SGCZ: variants seen among roughly 807,000 people sequenced by gnomAD.
SGCZ encodes zeta-sarcoglycan.
SGCZ carries 40 observed loss-of-function variants against 41.3 expected under a neutral mutation model. That is an observed-to-expected ratio of 0.97 (90% confidence interval 0.75 to 1.26). SGCZ has a LOEUF of 1.26. SGCZ is among the 50% of genes most tolerant of loss of function. The pLI is 0.00. For synonymous variants in SGCZ, 206 were observed against 137.5 expected (o/e 1.50, Z -3.49); for missense variants, 552 against 369.8 (o/e 1.49, Z -4.04).
intron 1 of SGCZ, among the ~76,000 whole-genome samples, chr8:14,576,160 T>A (rs1585093944): frequency 6.6e-6 from 1 of 152,308 alleles, no homozygotes; most frequent in East Asian, 1.9e-4. Flanking sequence ...GTGCTTTAGG[T>A]ACCTGCCTTA....
chr8:14,191,881 CTCAACCT>C (rs1805114537), intron 4 of SGCZ, among the ~76,000 whole-genome samples: 2 of 151,912 alleles, frequency 1.3e-5, no homozygotes, highest in Non-Finnish European at 2.9e-5. Flanking sequence ...TGTAGGATTC[CTCAACCT>C]AGTCATAATA....
At chr8:14,522,660 T>TA (rs1362669520) in intron 2 of SGCZ, among the ~76,000 whole-genome samples, 18 of 151,480 alleles carry the variant, frequency 1.2e-4, no homozygotes, top group Non-Finnish European at 1.8e-4. Flanking sequence ...TCATTTTTTT[T>TA]AAAAAATACA....
At chr8:14,438,109 GAAT>G (rs142805690) in intron 2 of SGCZ, among the ~76,000 whole-genome samples, 14,447 of 151,880 alleles carry the variant, frequency 0.095, 812 homozygotes, top group Non-Finnish European at 0.14. Flanking sequence ...AGCCAACGCT[GAAT>G]AATATTACCA....
chr8:15,199,547 G>C (rs910834751), intron 1 of SGCZ, among the ~76,000 whole-genome samples: 2 of 152,124 alleles, frequency 1.3e-5, no homozygotes, highest in Non-Finnish European at 2.9e-5. Context: ...AGCCAGGAGG[G>C]AAAGCATGAA....
intron 1 of SGCZ, among the ~76,000 whole-genome samples, chr8:14,875,184 C>T (rs138772586): frequency 1.3e-3 from 197 of 152,206 alleles, no homozygotes; most frequent in Non-Finnish European, 2.5e-3. Flanking sequence ...AAAATGATAC[C>T]GTGTTGCTAC....
intron 1 of SGCZ, among the ~76,000 whole-genome samples, chr8:14,995,294 G>A (rs546324757): frequency 5.0e-4 from 76 of 152,360 alleles, no homozygotes; most frequent in African/African-American, 1.8e-3. Context: ...ATAAATGAAT[G>A]AAGAAGTGTG....
At chr8:14,664,739 A>G (rs1585165069) in intron 1 of SGCZ, among the ~76,000 whole-genome samples, 1 of 152,208 alleles carries the variant, frequency 6.6e-6, no homozygotes, top group African/African-American at 2.4e-5. Context: ...AAAATCTAAT[A>G]TCAGCTGTTG....
chr8:14,385,359 A>G (rs533675701), intron 2 of SGCZ, among the ~76,000 whole-genome samples: 12 of 152,320 alleles, frequency 7.9e-5, no homozygotes, highest in African/African-American at 2.9e-4. Context: ...TAAATAAAAT[A>G]AAACACTCTA....
intron 6 of SGCZ, among the ~76,000 whole-genome samples, chr8:14,106,613 TA>T (rs1228555837): frequency 6.6e-6 from 1 of 152,218 alleles, no homozygotes; most frequent in Non-Finnish European, 1.5e-5. Flanking sequence ...TTTTCAACTT[TA>T]TTTATTTTTT....
chr8:14,693,225 A>C (rs1808854690), intron 1 of SGCZ, among the ~76,000 whole-genome samples: 1 of 152,184 alleles, frequency 6.6e-6, no homozygotes, highest in African/African-American at 2.4e-5. Flanking sequence ...CTAATCTGTT[A>C]AAATGACCTT....
At chr8:14,165,157 A>T (rs967213565) in intron 4 of SGCZ, 1 of 153,720 alleles carries the variant, frequency 6.5e-6, no homozygotes, top group East Asian at 1.9e-4. Context: ...GCATTATTCA[A>T]TTATGAATCT....
chr8:14,609,010 C>T (rs771842417), intron 1 of SGCZ, among the ~76,000 whole-genome samples: 20 of 152,098 alleles, frequency 1.3e-4, no homozygotes, highest in Non-Finnish European at 2.1e-4. Flanking sequence ...TATTATGTTG[C>T]AGAGTGTCTT....
chr8:15,206,869 T>C (rs1047776088), intron 1 of SGCZ, among the ~76,000 whole-genome samples: 1 of 152,078 alleles, frequency 6.6e-6, no homozygotes, highest in East Asian at 1.9e-4. Flanking sequence ...GACCTTAGTA[T>C]GCAAAAGGGG....
chr8:14,315,467 G>A (rs1419097638), intron 3 of SGCZ, among the ~76,000 whole-genome samples: 1 of 152,066 alleles, frequency 6.6e-6, no homozygotes, highest in Non-Finnish European at 1.5e-5. Flanking sequence ...AATGGAAGGT[G>A]TGTGTGATGC....
chr8:14,859,848 T>C (rs1803660228), intron 1 of SGCZ, among the ~76,000 whole-genome samples: 2 of 152,204 alleles, frequency 1.3e-5, no homozygotes, highest in Admixed American at 1.3e-4. Context: ...TTTACTATTG[T>C]ACCCTCATAT....
chr8:14,413,837 TAGG>T (rs1296009518), intron 2 of SGCZ, among the ~76,000 whole-genome samples: 8 of 152,054 alleles, frequency 5.3e-5, no homozygotes, highest in East Asian at 1.9e-4. Context: ...ACATAAATCC[TAGG>T]AGAACAGAAT....
At chr8:14,472,034 G>A (rs1801226856) in intron 2 of SGCZ, among the ~76,000 whole-genome samples, 1 of 151,954 alleles carries the variant, frequency 6.6e-6, no homozygotes, top group Non-Finnish European at 1.5e-5. Context: ...TATTTCTCCT[G>A]TATCTGTAAG....
intron 4 of SGCZ, among the ~76,000 whole-genome samples, chr8:14,229,227 A>G (rs1006360878): frequency 6.6e-6 from 1 of 152,146 alleles, no homozygotes; most frequent in Admixed American, 6.6e-5. Flanking sequence ...GACACAAACA[A>G]TGAGCATCTC....
intron 1 of SGCZ, among the ~76,000 whole-genome samples, chr8:15,082,060 C>G (rs1346252627): frequency 6.6e-6 from 1 of 151,936 alleles, no homozygotes. Context: ...GAAACCCCGC[C>G]TCTACTAAAA....
Sources: gnomAD v4.1 joint callset for allele counts (sites outside exome capture counted in the v4.1 genomes callset) on GRCh38, gnomAD v4.1.1 for gene constraint, MANE v1.5 for transcripts, NCBI Gene and HGNC (gene_info 2026-07-23, HGNC 2026-07-21) for gene names.